The following LRRTM4 variants were observed in gnomAD, a reference collection of about 807,000 sequenced individuals.
The protein encoded by LRRTM4 is leucine-rich repeat transmembrane neuronal protein 4.
Under a neutral mutation model 47.6 loss-of-function variants are expected in LRRTM4, and 25 were observed. The observed-to-expected ratio is 0.53, with a 90% CI of 0.38 to 0.73. LRRTM4 has a LOEUF of 0.73. Among genes scored for constraint, LRRTM4 ranks in the 30% least tolerant of loss-of-function variants. The probability of loss-of-function intolerance (pLI) is 0.00; values close to 1 mark genes in which losing one functional copy is unlikely to be tolerated. For synonymous variants in LRRTM4, 311 were observed against 269.5 expected (o/e 1.15, Z -1.51); for missense variants, 638 against 713.4 (o/e 0.89, Z 1.20).
chr2:77,333,426 G>A (rs1671042286), intron 3 of LRRTM4, among the ~76,000 whole-genome samples: 1 of 152,176 alleles, frequency 6.6e-6, no homozygotes, highest in South Asian at 2.1e-4. Context: ...TGAAATCCAG[G>A]CTGATGTGGT....
intron 3 of LRRTM4, among the ~76,000 whole-genome samples, chr2:76,992,756 T>A (rs10196630): frequency 6.7e-6 from 1 of 150,182 alleles, no homozygotes; most frequent in Non-Finnish European, 1.5e-5. Context: ...TCATTTTTTA[T>A]AGAATTAGAA....
intron 3 of LRRTM4, among the ~76,000 whole-genome samples, chr2:77,444,915 C>T (rs778781544): frequency 6.2e-5 from 9 of 145,904 alleles, no homozygotes; most frequent in Non-Finnish European, 1.3e-4. Flanking sequence ...AGCACATAGG[C>T]TCTGTCTCCT....
intron 3 of LRRTM4, among the ~76,000 whole-genome samples, chr2:77,447,881 T>C (rs1023610586): frequency 3.3e-5 from 5 of 152,166 alleles, no homozygotes; most frequent in Admixed American, 6.6e-5. Flanking sequence ...GCTCACTGTT[T>C]CCACACAAAG....
At chr2:77,121,386 G>A (rs1214715430) in intron 3 of LRRTM4, among the ~76,000 whole-genome samples, 2 of 151,676 alleles carry the variant, frequency 1.3e-5, no homozygotes, top group African/African-American at 4.8e-5. Context: ...CCCAAACAAA[G>A]GATAAATAGT....
intron 3 of LRRTM4, among the ~76,000 whole-genome samples, chr2:76,781,653 C>G (rs1573093383): frequency 1.3e-5 from 2 of 152,238 alleles, no homozygotes; most frequent in East Asian, 3.9e-4. Flanking sequence ...CGCCCACTGT[C>G]TGGCACTCCC....
At chr2:77,191,191 A>G (rs1448138005) in intron 3 of LRRTM4, among the ~76,000 whole-genome samples, 1 of 152,146 alleles carries the variant, frequency 6.6e-6, no homozygotes, top group East Asian at 1.9e-4. Context: ...ACTCCCACAA[A>G]CAGAAATGAG....
At position 77,241,153 on chromosome 2, in the gene LRRTM4, G is replaced by A. The variant is rs531851256; in HGVS notation, c.1551+277165C>T. Among the ~76,000 whole-genome samples, 386 of 151,412 alleles carry A rather than the reference G, an allele frequency of 2.5e-3. 3 individuals are homozygous for A. The highest frequency in any genetic ancestry group is 4.0e-3 in the Non-Finnish European group (269 of 67,770). The stretch of plus-strand genomic sequence containing the variant: ...GAGGACTCAGATGACCTGATTTTCT[G>A]ATTTCAAGACTTTCAATAAAGCTAG... On this transcript the variant is annotated intron_variant, in intron 3 of 3. Transcript: ENST00000409884.
At chr2:77,309,863 A>G (rs1242964101) in intron 3 of LRRTM4, among the ~76,000 whole-genome samples, 1 of 152,212 alleles carries the variant, frequency 6.6e-6, no homozygotes, top group Non-Finnish European at 1.5e-5. Context: ...GGTAATCATG[A>G]CACACAGGCC....
chr2:76,766,002 G>A (rs753406040), intron 3 of LRRTM4, among the ~76,000 whole-genome samples: 8 of 152,142 alleles, frequency 5.3e-5, no homozygotes, highest in Non-Finnish European at 1.0e-4. Flanking sequence ...TGGCTTTAGT[G>A]GAATTTATCT....
At chr2:76,798,334 C>G (rs138136378) in intron 3 of LRRTM4, among the ~76,000 whole-genome samples, 1 of 151,868 alleles carries the variant, frequency 6.6e-6, no homozygotes, top group Non-Finnish European at 1.5e-5. Context: ...ACTGAACAAC[C>G]TGCTCCTGAA....
intron 3 of LRRTM4, among the ~76,000 whole-genome samples, chr2:77,332,538 A>G (rs1671008502): frequency 6.6e-6 from 1 of 152,296 alleles, no homozygotes; most frequent in East Asian, 1.9e-4. Flanking sequence ...CAGATACCCA[A>G]TTCCATCTGG....
chr2:77,068,117 A>G (rs1020807300), intron 3 of LRRTM4, among the ~76,000 whole-genome samples: 1 of 152,168 alleles, frequency 6.6e-6, no homozygotes, highest in Non-Finnish European at 1.5e-5. Flanking sequence ...CATTTTTCAT[A>G]AATATAGAGA....
chr2:77,127,829 T>C (rs983725826), intron 3 of LRRTM4, among the ~76,000 whole-genome samples: 16 of 152,172 alleles, frequency 1.1e-4, no homozygotes, highest in Admixed American at 3.9e-4. Flanking sequence ...AGCCCTTAGA[T>C]TCTTAAGCCT....
At chr2:77,403,885 T>TATATATA (rs893824593) in intron 3 of LRRTM4, among the ~76,000 whole-genome samples, 26 of 150,388 alleles carry the variant, frequency 1.7e-4, no homozygotes, top group African/African-American at 6.5e-4. Flanking sequence ...TATATATATA[T>TATATATA]TTTAGGAAAG....
At chr2:76,933,370 C>T (rs1009637674) in intron 3 of LRRTM4, among the ~76,000 whole-genome samples, 3 of 151,992 alleles carry the variant, frequency 2.0e-5, no homozygotes, top group African/African-American at 7.2e-5. Context: ...TGTTTTTATT[C>T]TCACACGGTC....
chr2:77,322,845 C>T (rs1011507217), intron 3 of LRRTM4, among the ~76,000 whole-genome samples: 1 of 150,784 alleles, frequency 6.6e-6, no homozygotes, highest in African/African-American at 2.4e-5. Flanking sequence ...CTCTCTCTCT[C>T]TCTCTTTCTT....
chr2:76,978,366 T>G (rs904328734), intron 3 of LRRTM4, among the ~76,000 whole-genome samples: 6 of 152,110 alleles, frequency 3.9e-5, no homozygotes, highest in African/African-American at 1.4e-4. Flanking sequence ...AGGATTTTAT[T>G]GCTTAGTTAT....
chr2:77,080,442 T>C (rs995169532), intron 3 of LRRTM4, among the ~76,000 whole-genome samples: 18 of 152,200 alleles, frequency 1.2e-4, no homozygotes, highest in African/African-American at 4.3e-4. Flanking sequence ...CCTTATGTTA[T>C]TCTGGAATGC....
Position 77,034,057 on chromosome 2 carries a change from G to T in LRRTM4, c.1552-285141C>A, listed in dbSNP as rs955528261. On this transcript the variant is annotated intron_variant, in intron 3 of 3. Coordinates refer to ENST00000409884, the MANE Select transcript of LRRTM4 (RefSeq NM_001134745.3). ...TTAAATACTGGAAAAAACCATAAAGGTTCTGTTATGGCAAATAATTATATT... is the reference window on the plus strand; with the variant it reads ...TTAAATACTGGAAAAAACCATAAAGTTTCTGTTATGGCAAATAATTATATT... Among the ~76,000 whole-genome samples the T allele has an allele frequency of 7.3e-5, 11 of 151,450 alleles. No homozygotes were observed. The South Asian group carries it at 8.3e-4, about 11-fold the overall frequency.
Sources: gnomAD v4.1 joint callset for allele counts (sites outside exome capture counted in the v4.1 genomes callset) on GRCh38, gnomAD v4.1.1 for gene constraint, MANE v1.5 for transcripts, NCBI Gene and HGNC (gene_info 2026-07-23, HGNC 2026-07-21) for gene names.